NSUN6: variants seen among roughly 807,000 people sequenced by gnomAD.
The protein encoded by NSUN6 is tRNA (cytosine(72)-C(5))-methyltransferase NSUN6.
Under a neutral mutation model 58.0 loss-of-function variants are expected in NSUN6, and 64 were observed. The observed-to-expected ratio is 1.10, with a 90% confidence interval of 0.90 to 1.36. The LOEUF (loss-of-function observed/expected upper bound fraction) is 1.36. NSUN6 is among the 40% of genes most tolerant of loss of function. The probability of loss-of-function intolerance (pLI) is 0.00; values close to 1 mark genes in which losing one functional copy is unlikely to be tolerated. For synonymous variants in NSUN6, 231 were observed against 193.9 expected (o/e 1.19, Z -1.59); for missense variants, 701 against 550.1 (o/e 1.27, Z -2.74).
intron 3 of NSUN6, among the ~76,000 whole-genome samples, chr10:18,625,198 T>C (rs1002930378): frequency 1.3e-5 from 2 of 152,198 alleles, no homozygotes; most frequent in Non-Finnish European, 2.9e-5. Context: ...ACCATAGCCA[T>C]TGGTGTGACC....
chr10:18,652,057 T>C (rs1304699635), upstream of NSUN6: 20 of 985,286 alleles, frequency 2.0e-5, no homozygotes, highest in Non-Finnish European at 2.4e-5. Context: ...GTGAAGTTCA[T>C]AGGGTTCATA....
At chr10:18,565,843 A>T (rs1435185248) in intron 8 of NSUN6, among the ~76,000 whole-genome samples, 1 of 147,620 alleles carries the variant, frequency 6.8e-6, no homozygotes, top group African/African-American at 2.5e-5. Context: ...TCCATTGTCC[A>T]TTCCATTCTA....
chr10:18,567,645 CCATTCCATTCCTCATTG>C (rs1223047385), intron 8 of NSUN6, among the ~76,000 whole-genome samples: 3 of 151,482 alleles, frequency 2.0e-5, no homozygotes, highest in South Asian at 2.1e-4. Context: ...ATTCTCCATT[CCATTCCATTCCTCATTG>C]CATTCCATTC....
chr10:18,596,239 G>A lies in NSUN6; in HGVS notation c.746C>T (p.Thr249Ile). Residue 249 changes from threonine (T) to isoleucine (I), a missense_variant, in exon 7 of 11, where the codon ACA becomes ATA. Transcript: ENST00000377304. Reference protein sequence around the residue: ...LDLCAAPGGKTTHIAALMHDQ... With the variant: ...LDLCAAPGGKITHIAALMHDQ... Reference sequence around the variant, plus strand: ...ATGCATTAGTGCTGCAATGTGTGTTGTTTTCCCTCCAGGTGCTGCACACAA... The same window carrying A: ...ATGCATTAGTGCTGCAATGTGTGTTATTTTCCCTCCAGGTGCTGCACACAA... 1 of 1,611,384 alleles carries A rather than the reference G, an allele frequency of 6.2e-7. No individual in the cohort carries two copies. Among genetic ancestry groups the A allele is most frequent in the Non-Finnish European group, 8.5e-7 (1 of 1,177,584 alleles).
chr10:18,630,451 T>C (rs1564826663), intron 3 of NSUN6, among the ~76,000 whole-genome samples: 1 of 151,944 alleles, frequency 6.6e-6, no homozygotes, highest in Non-Finnish European at 1.5e-5. Context: ...CTTCAAAAAA[T>C]CAATGAATCC....
intron 6 of NSUN6, among the ~76,000 whole-genome samples, chr10:18,597,630 G>A (rs1208111676): frequency 6.6e-6 from 1 of 152,168 alleles, no homozygotes; most frequent in Non-Finnish European, 1.5e-5. Flanking sequence ...GCTGGGCATG[G>A]TGGCACATGC....
upstream of NSUN6, chr10:18,651,720 A>G (rs1173310457): frequency 1.0e-6 from 1 of 985,444 alleles, no homozygotes; most frequent in Non-Finnish European, 1.2e-6. Context: ...ACACTGCGTT[A>G]CGCTACGCCA....
intron 3 of NSUN6, among the ~76,000 whole-genome samples, chr10:18,627,541 T>C (rs1221309273): frequency 1.3e-5 from 2 of 152,028 alleles, no homozygotes; most frequent in Non-Finnish European, 2.9e-5. Context: ...TGGGCGCAGG[T>C]CAGTGGGTGC....
At chr10:18,646,671 CA>C (rs2059555753) in intron 2 of NSUN6, among the ~76,000 whole-genome samples, 1 of 152,172 alleles carries the variant, frequency 6.6e-6, no homozygotes, top group African/African-American at 2.4e-5. Context: ...GGTGAAACCC[CA>C]TCTCTACTAA....
chr10:18,586,371 A>G (rs1400333198), intron 7 of NSUN6, among the ~76,000 whole-genome samples: 3 of 151,898 alleles, frequency 2.0e-5, no homozygotes, highest in Non-Finnish European at 4.4e-5. Context: ...TTGTTCCTTC[A>G]GATGTTCAGA....
intron 4 of NSUN6, among the ~76,000 whole-genome samples, chr10:18,615,177 T>C (rs1158557998): frequency 6.6e-6 from 1 of 151,782 alleles, no homozygotes; most frequent in Non-Finnish European, 1.5e-5. Context: ...ACACTTAGAA[T>C]ACCTTTTACA....
At chr10:18,654,997 T>A, upstream of NSUN6, 1 of 870,084 alleles carries the variant, frequency 1.1e-6, no homozygotes, top group Non-Finnish European at 1.4e-6. Flanking sequence ...TTCATCTTTA[T>A]TTCTAGAAAT....
intron 3 of NSUN6, among the ~76,000 whole-genome samples, chr10:18,628,446 C>G (rs1590128824): frequency 6.6e-6 from 1 of 152,124 alleles, no homozygotes; most frequent in Admixed American, 6.6e-5. Flanking sequence ...TTCAGACGAC[C>G]AAATTACTCC....
At chr10:18,652,184 A>G (rs1361198845), upstream of NSUN6, 5 of 985,104 alleles carry the variant, frequency 5.1e-6, no homozygotes, top group African/African-American at 5.2e-5. Flanking sequence ...CATAGTTGAC[A>G]TATTCTTTAG....
chr10:18,616,320 AATAGTAAC>A, intron 3 of NSUN6, 27 bp from the exon 4 acceptor site: 1 of 1,375,082 alleles, frequency 7.3e-7, no homozygotes, highest in Non-Finnish European at 1.0e-6. Flanking sequence ...CAAGAAGTTT[AATAGTAAC>A]ATACCTCCAA....
chr10:18,632,623 G>A (rs1462597281), intron 3 of NSUN6, among the ~76,000 whole-genome samples: 1 of 152,082 alleles, frequency 6.6e-6, no homozygotes, highest in Non-Finnish European at 1.5e-5. Context: ...CTCAAAAGAA[G>A]ACATTTATGC....
intron 3 of NSUN6, among the ~76,000 whole-genome samples, chr10:18,618,510 C>T (rs145351827): frequency 7.8e-4 from 119 of 151,970 alleles, no homozygotes; most frequent in African/African-American, 2.8e-3. Context: ...GAAGAAATCC[C>T]CGTCTCTACT....
intron 3 of NSUN6, among the ~76,000 whole-genome samples, chr10:18,625,688 G>A (rs2058768914): frequency 7.2e-6 from 1 of 138,582 alleles, no homozygotes; most frequent in Non-Finnish European, 1.5e-5. Context: ...ACTCCAGCCT[G>A]GGTGACAGAG....
intron 3 of NSUN6, among the ~76,000 whole-genome samples, chr10:18,627,222 G>A (rs949412292): frequency 6.6e-6 from 1 of 152,102 alleles, no homozygotes; most frequent in African/African-American, 2.4e-5. Context: ...CTCATTTCAA[G>A]TAAACTGAAG....
Sources: gnomAD v4.1 joint callset for allele counts (sites outside exome capture counted in the v4.1 genomes callset) on GRCh38, gnomAD v4.1.1 for gene constraint, MANE v1.5 for transcripts, NCBI Gene and HGNC (gene_info 2026-07-23, HGNC 2026-07-21) for gene names.